Variants in SGIP1 observed in about 807,000 individuals in gnomAD.
The protein encoded by SGIP1 is SH3GL interacting endocytic adaptor 1.
In SGIP1, 38 loss-of-function variants were observed where a neutral mutation model predicts 107.5. The observed-to-expected ratio is 0.35, with a 90% CI of 0.27 to 0.46. The LOEUF (loss-of-function observed/expected upper bound fraction) is 0.46, where lower values mean the gene tolerates loss of function less well. SGIP1 is among the 20% of genes least tolerant of loss of function. The probability of loss-of-function intolerance (pLI) is 1.00; values close to 1 mark genes in which losing one functional copy is unlikely to be tolerated. For missense variants in SGIP1, 929 were observed against 1,019.5 expected (o/e 0.91, Z 1.21); for synonymous variants, 365 against 366.1 (o/e 1.00, Z 0.03).
intron 1 of SGIP1, among the ~76,000 whole-genome samples, chr1:66,605,520 C>T (rs1402022210): frequency 1.3e-5 from 2 of 151,562 alleles, no homozygotes; most frequent in East Asian, 1.9e-4. Flanking sequence ...GGATTGATGC[C>T]TCAGTCATTA....
chr1:66,685,208 T>G lies in SGIP1; in HGVS notation c.1315+2839T>G, dbSNP rs138182386. ...GTATTTCTCGAAGCATATTTAATTGTATACCACTATGCACTCATTTTTAAA... is the reference window on the plus strand; with the variant it reads ...GTATTTCTCGAAGCATATTTAATTGGATACCACTATGCACTCATTTTTAAA... On this transcript the variant is annotated intron_variant, in intron 15 of 24. Coordinates refer to ENST00000371037, the MANE Select transcript of SGIP1 (RefSeq NM_032291.4). Among the ~76,000 whole-genome samples, 557 of 152,362 alleles carry G rather than the reference T, an allele frequency of 3.7e-3. 2 individuals carry two copies. Among genetic ancestry groups the G allele is most frequent in the Middle Eastern group, 0.017 (5 of 294 alleles).
chr1:66,611,030 C>T (rs1039151187), intron 1 of SGIP1, among the ~76,000 whole-genome samples: 1 of 151,910 alleles, frequency 6.6e-6, no homozygotes, highest in Non-Finnish European at 1.5e-5. Flanking sequence ...AAACTGGGTA[C>T]AGTGTATACT....
chr1:66,696,449 T>G (rs1437503238), intron 18 of SGIP1, among the ~76,000 whole-genome samples: 1 of 152,230 alleles, frequency 6.6e-6, no homozygotes, highest in Non-Finnish European at 1.5e-5. Context: ...TTTTTGTGTT[T>G]CATGGCAACA....
At chr1:66,572,807 A>G (rs1010129558) in intron 1 of SGIP1, among the ~76,000 whole-genome samples, 1 of 152,118 alleles carries the variant, frequency 6.6e-6, no homozygotes, top group African/African-American at 2.4e-5. Flanking sequence ...ATTTGACATG[A>G]GTCATCAACT....
intron 1 of SGIP1, among the ~76,000 whole-genome samples, chr1:66,570,699 A>G (rs1028821119): frequency 6.6e-6 from 1 of 151,930 alleles, no homozygotes; most frequent in Non-Finnish European, 1.5e-5. Flanking sequence ...TGAGCAAAAC[A>G]TATGTAGTTC....
At chr1:66,599,237 A>G (rs564191376) in intron 1 of SGIP1, among the ~76,000 whole-genome samples, 6 of 152,292 alleles carry the variant, frequency 3.9e-5, no homozygotes, top group African/African-American at 9.6e-5. Context: ...TTAAACATCA[A>G]ATGAATTTGG....
chr1:66,702,220 A>G (rs962869138), intron 18 of SGIP1, among the ~76,000 whole-genome samples: 1 of 152,234 alleles, frequency 6.6e-6, no homozygotes, highest in African/African-American at 2.4e-5. Context: ...CTTTTCTGAG[A>G]TTACACAGCT....
chr1:66,659,952 AAGAAAGAAAG>A (rs2080618011), intron 7 of SGIP1, among the ~76,000 whole-genome samples: 3 of 16,230 alleles, frequency 1.8e-4, no homozygotes, highest in African/African-American at 6.3e-4. Flanking sequence ...AAGAAAGAAA[AAGAAAGAAAG>A]AAAGAAAGAA....
chr1:66,614,693 T>C (rs959430835), intron 1 of SGIP1, among the ~76,000 whole-genome samples: 1 of 152,138 alleles, frequency 6.6e-6, no homozygotes, highest in Admixed American at 6.5e-5. Context: ...GCTAATAGCC[T>C]GTGGTGTATA....
At chr1:66,572,845 T>C (rs919773262) in intron 1 of SGIP1, among the ~76,000 whole-genome samples, 1 of 152,064 alleles carries the variant, frequency 6.6e-6, no homozygotes, top group African/African-American at 2.4e-5. Context: ...ATGCGATATA[T>C]CCATAAGATG....
chr1:66,650,249 C>G (rs1478966319), intron 7 of SGIP1, among the ~76,000 whole-genome samples: 1 of 152,088 alleles, frequency 6.6e-6, no homozygotes, highest in Non-Finnish European at 1.5e-5. Flanking sequence ...GTTTTGAGTA[C>G]CATCAACATC....
In SGIP1 at chr1:66,735,664, C is replaced by A. The variant is rs2094200992; in HGVS notation, c.2031+1784C>A. On this transcript the variant is annotated intron_variant, in intron 21 of 24. Transcript: ENST00000371037. ...TGAAACCCCGTCTCTACTAAAAATA[C>A]AAAAAATTAGCCGGGCGCGGTGGCG... Among the ~76,000 whole-genome samples the A allele has an allele frequency of 3.1e-5, 2 of 64,134 alleles. 1 individual carries two copies. The highest frequency in any genetic ancestry group is 7.4e-4 in the South Asian group (2 of 2,696). 42.1% of individuals were successfully genotyped at this position (64,134 alleles called of 152,430 possible). A position where few individuals can be genotyped will look rare whatever the true frequency, so the allele number is the denominator to read the frequency against.
chr1:66,733,499 T>C (rs1211915083), intron 20 of SGIP1, among the ~76,000 whole-genome samples: 3 of 152,218 alleles, frequency 2.0e-5, no homozygotes, highest in African/African-American at 4.8e-5. Context: ...TTAGTTAATA[T>C]TACTGAGCAC....
chr1:66,695,271 A>AT, intron 17 of SGIP1, 163 bp from the exon 18 acceptor site: 2 of 1,325,974 alleles, frequency 1.5e-6, no homozygotes, highest in Non-Finnish European at 2.0e-6. Flanking sequence ...AAAAAAAAAA[A>AT]GTGTAGATTG....
Position 66,746,184 on chromosome 1 carries a change from C to T in SGIP1, c.*3089C>T, listed in dbSNP as rs925283109. The T allele has an allele frequency of 1.8e-4, 27 of 152,132 alleles. No individual in the cohort carries two copies. Among genetic ancestry groups the T allele is most frequent in the African/African-American group, 6.3e-4 (26 of 41,442 alleles). The allele number at this position is 152,132 out of a possible 1,614,324, so 9.4% of individuals were successfully genotyped here. On this transcript the variant is annotated 3_prime_UTR_variant, in exon 25 of 25. Coordinates refer to ENST00000371037, the MANE Select transcript of SGIP1 (RefSeq NM_032291.4). ...AAAGCAGATAACTATAATACCTTGG[C>T]TCTGCCACTGACTCCTGCCGTATGA...
intron 22 of SGIP1, among the ~76,000 whole-genome samples, chr1:66,740,067 C>T (rs967677242): frequency 6.6e-6 from 1 of 152,156 alleles, no homozygotes; most frequent in Non-Finnish European, 1.5e-5. Flanking sequence ...AATCTCAAAC[C>T]GTGCATGCAA....
intron 1 of SGIP1, among the ~76,000 whole-genome samples, chr1:66,616,785 CTA>C (rs2069429987): frequency 6.6e-6 from 1 of 152,154 alleles, no homozygotes; most frequent in Non-Finnish European, 1.5e-5. Context: ...ACATTTTCTT[CTA>C]TGTCACCAAA....
chr1:66,630,926 G>A (rs1248289755), intron 2 of SGIP1, among the ~76,000 whole-genome samples: 10 of 101,908 alleles, frequency 9.8e-5, no homozygotes, highest in South Asian at 5.2e-4. Context: ...GAGGGAGGAA[G>A]GAAGGAAGGA....
intron 1 of SGIP1, among the ~76,000 whole-genome samples, chr1:66,549,517 C>T (rs2057066427): frequency 6.6e-6 from 1 of 152,124 alleles, no homozygotes; most frequent in Non-Finnish European, 1.5e-5. Context: ...GTCAAAGTGG[C>T]AAGCATTAAA....
Sources: gnomAD v4.1 joint callset for allele counts (sites outside exome capture counted in the v4.1 genomes callset) on GRCh38, gnomAD v4.1.1 for gene constraint, MANE v1.5 for transcripts, NCBI Gene and HGNC (gene_info 2026-07-23, HGNC 2026-07-21) for gene names.